Variants in ADGRB3 observed in about 807,000 individuals in gnomAD.
ADGRB3 encodes brain-specific angiogenesis inhibitor 3.
Under a neutral mutation model 193.4 loss-of-function variants are expected in ADGRB3, and 37 were observed. That is an observed-to-expected ratio of 0.19 (90% CI 0.15 to 0.25). The LOEUF (loss-of-function observed/expected upper bound fraction) is 0.25. Among genes scored for constraint, ADGRB3 ranks in the 10% least tolerant of loss-of-function variants. The pLI, the probability that ADGRB3 is intolerant of heterozygous loss-of-function variation, is 1.00. For synonymous variants in ADGRB3, 690 were observed against 644.2 expected, an observed-to-expected ratio of 1.07 and a Z score of -1.08; for missense variants, 1,637 against 1,852.9, an observed-to-expected ratio of 0.88 and a Z score of 2.14.
chr6:69,135,849 A>G (rs1460999595), intron 17 of ADGRB3, among the ~76,000 whole-genome samples: 2 of 152,132 alleles, frequency 1.3e-5, no homozygotes, highest in African/African-American at 4.8e-5. Flanking sequence ...AGTCGTAACA[A>G]GTTAGTCTGT....
intron 11 of ADGRB3, among the ~76,000 whole-genome samples, chr6:68,998,893 A>G (rs1769473777): frequency 6.6e-6 from 1 of 152,090 alleles, no homozygotes; most frequent in African/African-American, 2.4e-5. Context: ...TCTTTCCTAA[A>G]AGTACCCATC....
intron 13 of ADGRB3, among the ~76,000 whole-genome samples, chr6:69,023,737 G>A (rs1770340754): frequency 1.3e-5 from 2 of 152,088 alleles, no homozygotes; most frequent in African/African-American, 4.8e-5. Flanking sequence ...TCAACACAGT[G>A]AGTCCAAATG....
In ADGRB3 at chr6:68,975,307, C is replaced by T. The variant is rs1405117702; in HGVS notation, c.1701C>T (p.Cys567=). Residue 567 remains cysteine, a synonymous_variant, in exon 10 of 32, where the codon TGC becomes TGT. Transcript: ENST00000370598. ...GGGAACAGCCGAGCTTTGCAAGATG[C>T]ATATCAAATGAGTACAGACACTTGC... The part of the protein sequence containing the change: ...AFWEQPSFAR[C]ISNEYRHLQH... 1 of 1,613,938 alleles carries T rather than the reference C, an allele frequency of 6.2e-7. No individual in the cohort carries two copies. The highest frequency in any genetic ancestry group is 1.1e-5 in the South Asian group (1 of 91,078).
At chr6:69,286,226 A>G (rs1767549281) in intron 20 of ADGRB3, among the ~76,000 whole-genome samples, 1 of 151,738 alleles carries the variant, frequency 6.6e-6, no homozygotes, top group South Asian at 2.1e-4. Flanking sequence ...GTATATCCCT[A>G]ATTTCTAAAC....
At chr6:69,269,341 AC>A (rs1767121292) in intron 20 of ADGRB3, among the ~76,000 whole-genome samples, 1 of 152,200 alleles carries the variant, frequency 6.6e-6, no homozygotes, top group Non-Finnish European at 1.5e-5. Context: ...AGAGAAAAAA[AC>A]ATTAAAAATT....
chr6:69,036,944 A>G (rs746264166), intron 13 of ADGRB3, among the ~76,000 whole-genome samples: 16 of 152,312 alleles, frequency 1.1e-4, no homozygotes, highest in Non-Finnish European at 2.1e-4. Flanking sequence ...GGTTTATGAG[A>G]GAAAGAATTT....
At chr6:69,070,766 CTGTGAAAACATCATTAATATATCAAGAG>C (rs1465641574) in intron 16 of ADGRB3, among the ~76,000 whole-genome samples, 1 of 152,174 alleles carries the variant, frequency 6.6e-6, no homozygotes, top group Non-Finnish European at 1.5e-5. Flanking sequence ...AGAGAAAACA[CTGTGAAAACATCATTAATATATCAAGAG>C]TGTGATTAAG....
chr6:69,300,016 C>CA (rs1582616168), intron 20 of ADGRB3, among the ~76,000 whole-genome samples: 1 of 151,320 alleles, frequency 6.6e-6, no homozygotes, highest in East Asian at 1.9e-4. Context: ...AGAAAGACTA[C>CA]AAAAAAAGGA....
chr6:68,681,599 TA>T (rs1764898136), intron 3 of ADGRB3, among the ~76,000 whole-genome samples: 1 of 152,134 alleles, frequency 6.6e-6, no homozygotes, highest in African/African-American at 2.4e-5. Flanking sequence ...CACTTTTAAC[TA>T]AAAGGCACTT....
intron 17 of ADGRB3, among the ~76,000 whole-genome samples, chr6:69,158,413 T>C (rs1774902079): frequency 7.1e-6 from 1 of 139,994 alleles, no homozygotes; most frequent in Admixed American, 7.5e-5. Context: ...ATTAATTTAC[T>C]CACCCTCAGC....
At position 69,159,173 on chromosome 6, in the gene ADGRB3, T is replaced by G. The variant is rs534602548; in HGVS notation, c.2481-74117T>G. 2.6e-5 allele frequency among the ~76,000 whole-genome samples: 4 copies of G among 152,200 alleles called. No individual in the cohort carries two copies. The South Asian group carries it at 8.3e-4, about 32-fold the overall frequency. On this transcript the variant is annotated intron_variant, in intron 17 of 31. Transcript: ENST00000370598. ...TCAGCTCCCTCTAATATATTTACTT[T>G]CATTGTCCCTGAAATTCTTTTCACA...
intron 16 of ADGRB3, among the ~76,000 whole-genome samples, chr6:69,072,604 A>T (rs1276677799): frequency 6.6e-6 from 1 of 152,116 alleles, no homozygotes. Context: ...ATCTTATATT[A>T]GTTTATATAA....
At chr6:68,709,574 G>A (rs1019372462) in intron 3 of ADGRB3, among the ~76,000 whole-genome samples, 1 of 152,128 alleles carries the variant, frequency 6.6e-6, no homozygotes, top group Non-Finnish European at 1.5e-5. Flanking sequence ...TTTAAACTGT[G>A]CCTCAACATT....
intron 3 of ADGRB3, among the ~76,000 whole-genome samples, chr6:68,799,215 AAAC>A (rs914193370): frequency 2.0e-5 from 3 of 152,234 alleles, no homozygotes; most frequent in Non-Finnish European, 4.4e-5. Context: ...TCACAAGCAT[AAAC>A]AACATTACAC....
At chr6:69,322,905 C>T (rs1768491457) in intron 20 of ADGRB3, among the ~76,000 whole-genome samples, 1 of 151,930 alleles carries the variant, frequency 6.6e-6, no homozygotes, top group African/African-American at 2.4e-5. Flanking sequence ...AGCTACAACA[C>T]ATTTCCCCAT....
At chr6:69,384,146 A>G (rs1421649997) in intron 31 of ADGRB3, among the ~76,000 whole-genome samples, 1 of 152,042 alleles carries the variant, frequency 6.6e-6, no homozygotes, top group Non-Finnish European at 1.5e-5. Flanking sequence ...TAGCATGGCT[A>G]TGATCATTCA....
intron 30 of ADGRB3, among the ~76,000 whole-genome samples, chr6:69,375,935 T>C (rs180750562): frequency 3.0e-4 from 46 of 151,964 alleles, no homozygotes; most frequent in Admixed American, 3.0e-3. Context: ...AAAGTGAGAC[T>C]CCATCTCAAA....
At chr6:68,753,826 G>T (rs185575129) in intron 3 of ADGRB3, among the ~76,000 whole-genome samples, 43 of 152,194 alleles carry the variant, frequency 2.8e-4, no homozygotes, top group Non-Finnish European at 5.7e-4. Flanking sequence ...TGACCAATTT[G>T]GTTTGAGGTC....
intron 20 of ADGRB3, among the ~76,000 whole-genome samples, chr6:69,264,602 C>T (rs1767001234): frequency 6.6e-6 from 1 of 151,288 alleles, no homozygotes; most frequent in African/African-American, 2.4e-5. Context: ...TCTGATTATC[C>T]TCCTTGGACT....
Sources: gnomAD v4.1 joint callset for allele counts (sites outside exome capture counted in the v4.1 genomes callset) on GRCh38, gnomAD v4.1.1 for gene constraint, MANE v1.5 for transcripts, NCBI Gene and HGNC (gene_info 2026-07-23, HGNC 2026-07-21) for gene names.